The following CTNNA3 variants were observed in gnomAD, a reference collection of about 807,000 sequenced individuals.
CTNNA3 encodes catenin alpha 3.
A neutral mutation model predicts 95.7 loss-of-function variants in CTNNA3; 76 were observed. The ratio of observed to expected loss-of-function variants is 0.79; its 90% confidence interval spans 0.66 to 0.96. The LOEUF (loss-of-function observed/expected upper bound fraction) is 0.96. CTNNA3 is among the 40% of genes least tolerant of loss of function. The probability of loss-of-function intolerance (pLI) is 0.00; values close to 1 mark genes in which losing one functional copy is unlikely to be tolerated. For synonymous variants in CTNNA3, 431 were observed against 374.4 expected (o/e 1.15, Z -1.74); for missense variants, 1,191 against 1,089.8 (o/e 1.09, Z -1.31).
chr10:66,794,236 C>T (rs948747203), intron 7 of CTNNA3, among the ~76,000 whole-genome samples: 1 of 152,110 alleles, frequency 6.6e-6, no homozygotes, highest in Non-Finnish European at 1.5e-5. Context: ...CCATCCTTTA[C>T]ATAACAAGTT....
At chr10:66,671,461 A>G (rs1000950442) in intron 9 of CTNNA3, among the ~76,000 whole-genome samples, 1 of 152,166 alleles carries the variant, frequency 6.6e-6, no homozygotes, top group Non-Finnish European at 1.5e-5. Flanking sequence ...ATTAAAAAAT[A>G]ATTCTAATGC....
At chr10:67,727,819 A>G (rs1841248035) in intron 1 of CTNNA3, among the ~76,000 whole-genome samples, 1 of 129,566 alleles carries the variant, frequency 7.7e-6, no homozygotes, top group Non-Finnish European at 1.5e-5. Flanking sequence ...TATATATCAT[A>G]TATTATATTA....
intron 12 of CTNNA3, among the ~76,000 whole-genome samples, chr10:66,339,737 G>A (rs1222676291): frequency 1.3e-5 from 2 of 151,776 alleles, no homozygotes; most frequent in Admixed American, 1.3e-4. Flanking sequence ...AGAAGGGTCA[G>A]AGTTGATTTA....
intron 10 of CTNNA3, among the ~76,000 whole-genome samples, chr10:66,556,528 CAG>C (rs1371808248): frequency 2.0e-5 from 3 of 151,806 alleles, no homozygotes; most frequent in Non-Finnish European, 4.4e-5. Flanking sequence ...TATATACACA[CAG>C]TGAAATATTT....
At chr10:66,312,151 G>A (rs2092029747) in intron 12 of CTNNA3, among the ~76,000 whole-genome samples, 1 of 151,830 alleles carries the variant, frequency 6.6e-6, no homozygotes, top group Non-Finnish European at 1.5e-5. Context: ...TCATTTTTTA[G>A]TACTCTAGTA....
intron 7 of CTNNA3, among the ~76,000 whole-genome samples, chr10:67,039,239 G>T (rs1326249231): frequency 2.0e-5 from 3 of 152,100 alleles, no homozygotes; most frequent in African/African-American, 7.2e-5. Context: ...TATACCAAGT[G>T]TAGCAGATGT....
intron 7 of CTNNA3, among the ~76,000 whole-genome samples, chr10:66,867,333 T>G (rs1399710535): frequency 6.6e-6 from 1 of 152,204 alleles, no homozygotes. Flanking sequence ...GACATGCTTT[T>G]ATTTTGTTTC....
chr10:66,669,711 A>T (rs924116038), intron 9 of CTNNA3, among the ~76,000 whole-genome samples: 5 of 152,138 alleles, frequency 3.3e-5, no homozygotes, highest in African/African-American at 1.2e-4. Context: ...CCTTTCACAG[A>T]GGGCTCTGCA....
chr10:66,518,725 A>T (rs1840950323), intron 11 of CTNNA3, among the ~76,000 whole-genome samples: 1 of 152,084 alleles, frequency 6.6e-6, no homozygotes, highest in Admixed American at 6.5e-5. Context: ...CACATTTGAA[A>T]ATATAAATAT....
At chr10:67,392,708 A>G (rs1470146853) in intron 5 of CTNNA3, among the ~76,000 whole-genome samples, 1 of 152,190 alleles carries the variant, frequency 6.6e-6, no homozygotes, top group African/African-American at 2.4e-5. Flanking sequence ...CATATACACC[A>G]TGGAATACTA....
intron 13 of CTNNA3, among the ~76,000 whole-genome samples, chr10:66,141,142 C>T (rs2083595738): frequency 6.6e-6 from 1 of 151,600 alleles, no homozygotes; most frequent in South Asian, 2.1e-4. Flanking sequence ...GCCTGTAATC[C>T]CAGCTGCTCA....
At position 66,014,353 on chromosome 10, in the gene CTNNA3, A is replaced by T. The variant is rs201394725; in HGVS notation, c.2160-25556T>A. ...AGTAGCTTCAATGGGTGCCATTTGC[A>T]GCTCAGTTACTGAGCTGGAATTTCC... On this transcript the variant is annotated intron_variant, in intron 15 of 17. Transcript: ENST00000433211. Among the ~76,000 whole-genome samples, 4 of 102,888 alleles carry T rather than the reference A, an allele frequency of 3.9e-5. No homozygotes were observed. The East Asian group carries it at 7.2e-4, about 19-fold the overall frequency. 67.5% of individuals were successfully genotyped at this position (102,888 alleles called of 152,430 possible).
At chr10:67,677,652 GAC>G (rs2133562712) in intron 1 of CTNNA3, among the ~76,000 whole-genome samples, 1 of 152,160 alleles carries the variant, frequency 6.6e-6, no homozygotes, top group Non-Finnish European at 1.5e-5. Flanking sequence ...GTGTTTCCTA[GAC>G]ACCTCCTAGC....
chr10:67,477,423 G>C (rs901810778), intron 5 of CTNNA3, among the ~76,000 whole-genome samples: 2 of 152,084 alleles, frequency 1.3e-5, no homozygotes, highest in Non-Finnish European at 2.9e-5. Context: ...TGAAGCAACA[G>C]AGAGCTTCTC....
intron 5 of CTNNA3, among the ~76,000 whole-genome samples, chr10:67,452,749 G>A (rs1847035327): frequency 6.6e-6 from 1 of 152,132 alleles, no homozygotes; most frequent in Non-Finnish European, 1.5e-5. Flanking sequence ...AAAAGGATAG[G>A]CAGGAACACA....
chr10:67,616,522 G>A (rs1042818746), intron 2 of CTNNA3, among the ~76,000 whole-genome samples: 1 of 141,542 alleles, frequency 7.1e-6, no homozygotes, highest in Non-Finnish European at 1.6e-5. Flanking sequence ...CAAAATTTTG[G>A]TATATTCTAA....
chr10:67,579,439 A>T (rs1468776544), intron 3 of CTNNA3, among the ~76,000 whole-genome samples: 1 of 151,910 alleles, frequency 6.6e-6, no homozygotes, highest in Non-Finnish European at 1.5e-5. Flanking sequence ...ACATTTTCTT[A>T]ATCCAGTCTA....
At chr10:66,323,588 G>A (rs181693238) in intron 12 of CTNNA3, among the ~76,000 whole-genome samples, 1 of 150,420 alleles carries the variant, frequency 6.6e-6, no homozygotes, top group South Asian at 2.1e-4. Context: ...GGAGGCGGAG[G>A]TTGCAGTGAG....
At chr10:66,307,642 AT>A (rs1434573557) in intron 12 of CTNNA3, among the ~76,000 whole-genome samples, 1 of 152,210 alleles carries the variant, frequency 6.6e-6, no homozygotes, top group Non-Finnish European at 1.5e-5. Flanking sequence ...ATGAGAATAA[AT>A]AAAAATGGTT....
Sources: allele counts gnomAD v4.1 joint callset (sites outside exome capture counted in the v4.1 genomes callset), GRCh38; gene constraint gnomAD v4.1.1; transcripts MANE v1.5; gene names NCBI Gene and HGNC (gene_info 2026-07-23, HGNC 2026-07-21).